The following IFT22 variants were observed in gnomAD, a reference collection of about 807,000 sequenced individuals.
IFT22 encodes the protein intraflagellar transport protein 22 homolog.
In IFT22, 13 loss-of-function variants were observed where a neutral mutation model predicts 21.0. The ratio of observed to expected loss-of-function variants is 0.62; its 90% CI spans 0.40 to 0.98. The LOEUF is 0.98. Among genes scored for constraint, IFT22 ranks in the 50% least tolerant of loss-of-function variants. The pLI, the probability that IFT22 is intolerant of heterozygous loss-of-function variation, is 0.00. For synonymous variants in IFT22, 67 were observed against 82.4 expected (o/e 0.81, Z 1.01); for missense variants, 227 against 228.9 (o/e 0.99, Z 0.06).
chr7:101,315,232 G>GGTCAT lies in IFT22; in HGVS notation c.455_459dup (p.Pro154MetfsTer11). 6.2e-7 allele frequency: 1 copy of GGTCAT among 1,614,094 alleles called. No homozygotes were observed. ...ATGAATTCCATCCGGATCTCCTCAG[G>GGTCAT]GTCATCTTCCAGGTTTGAGTGCACC... On this transcript the variant is annotated frameshift_variant, in exon 5 of 5. Transcript: ENST00000315322. LOFTEE classifies it high-confidence loss of function.
chr7:101,319,672 C>G (rs1304476128), intron 1 of IFT22, among the ~76,000 whole-genome samples: 1 of 112,640 alleles, frequency 8.9e-6, no homozygotes, highest in East Asian at 3.0e-4. Context: ...GAGACAAGGT[C>G]TTGCTCGGTT....
In IFT22 at chr7:101,315,295, G is replaced by T; in HGVS notation, c.410-13C>A. The T allele has an allele frequency of 1.2e-6, 2 of 1,614,050 alleles. No individual in the cohort carries two copies. The highest frequency in any genetic ancestry group is 1.7e-6 in the Non-Finnish European group (2 of 1,180,024). ...TTCAAGGGTGGCGCTTGAAAATGAA[G>T]ATAAGGTTAATTAGGCAAAGAGTTT... On this transcript the variant is annotated splice_polypyrimidine_tract_variant and intron_variant, in intron 4 of 4. Coordinates refer to ENST00000315322, the MANE Select transcript of IFT22 (RefSeq NM_022777.4).
At chr7:101,317,449 T>C (rs1484453201) in intron 3 of IFT22, among the ~76,000 whole-genome samples, 1 of 151,914 alleles carries the variant, frequency 6.6e-6, no homozygotes, top group African/African-American at 2.4e-5. Context: ...TTTTTTTTTT[T>C]TTAAAATGAG....
chr7:101,316,545 G>A lies in IFT22; in HGVS notation c.207-3C>T, dbSNP rs763040412. On this transcript the variant is annotated splice_polypyrimidine_tract_variant and splice_region_variant and intron_variant, in intron 3 of 4. Transcript: ENST00000315322. ...GGGCCGGCCAGCAGGACTCAAACCT[G>A]CGAGGAAGAAAAGGAACAACAGGGA... 1.2e-5 allele frequency: 20 copies of A among 1,613,790 alleles called. 1 individual carries two copies. In the South Asian group the frequency reaches 1.6e-4, roughly 13 times the overall value.
chr7:101,317,673 A>G (rs34169259), intron 3 of IFT22, among the ~76,000 whole-genome samples: 23,366 of 151,924 alleles, frequency 0.15, 1,890 homozygotes, highest in South Asian at 0.16. Flanking sequence ...CAGGAAACAT[A>G]CTAGGCCCAA....
At chr7:101,318,559 C>A in intron 2 of IFT22, 1 of 265,874 alleles carries the variant, frequency 3.8e-6, no homozygotes, top group Non-Finnish European at 7.2e-6. Context: ...AATAATGAGG[C>A]TGCATTACAC....
Position 101,314,957 on chromosome 7 carries a change from G to T in IFT22, c.*177C>A. The stretch of plus-strand genomic sequence containing the variant: ...TAGGATTTTCTCAACTGAACTCAGG[G>T]CAGAGCACAGATGGTCTGAGTGAAC... On this transcript the variant is annotated 3_prime_UTR_variant, in exon 5 of 5. Transcript: ENST00000315322. 1 of 628,778 alleles carries T rather than the reference G, an allele frequency of 1.6e-6. No homozygotes were observed. Among genetic ancestry groups the T allele is most frequent in the Non-Finnish European group, 2.7e-6 (1 of 375,240 alleles). 38.9% of individuals were successfully genotyped at this position (628,778 alleles called of 1,614,324 possible).
At position 101,312,533 on chromosome 7, in the gene IFT22, G is replaced by GTTTTTTT. The variant is rs386410832; in HGVS notation, c.*2594_*2600dup. Among the ~76,000 whole-genome samples the GTTTTTTT allele has an allele frequency of 6.5e-4, 75 of 114,602 alleles. 1 individual carries two copies. Among genetic ancestry groups the GTTTTTTT allele is most frequent in the Non-Finnish European group, 8.2e-4 (48 of 58,232 alleles). The allele number at this position is 114,602 out of a possible 152,430, so 75.2% of individuals were successfully genotyped here. A position where few individuals can be genotyped will look rare whatever the true frequency, so the allele number is the denominator to read the frequency against. Reference sequence around the variant, plus strand: ...TAAATATAATGTTTTGGAGAGAGTTGTTTTTTTTTTTTTTTTTTTTGTGAC... The same window carrying GTTTTTTT: ...TAAATATAATGTTTTGGAGAGAGTTGTTTTTTTTTTTTTTTTTTTTTTTTTTTGTGAC... On this transcript the variant is annotated 3_prime_UTR_variant, in exon 5 of 5. Transcript: ENST00000315322.
At chr7:101,320,132 T>A (rs968492134) in intron 1 of IFT22, among the ~76,000 whole-genome samples, 4 of 151,622 alleles carry the variant, frequency 2.6e-5, no homozygotes, top group African/African-American at 7.3e-5. Context: ...AATTTTTGTA[T>A]TTTTAGTACA....
At chr7:101,321,351 T>G in intron 1 of IFT22, 5 of 362,718 alleles carry the variant, frequency 1.4e-5, no homozygotes, top group East Asian at 5.7e-5. Context: ...CACAGACGCA[T>G]TCATTAGGGG....
At position 101,316,380 on chromosome 7, in the gene IFT22, G is replaced by C; in HGVS notation, c.369C>G (p.His123Gln). ...CTTTATCATCTCCAGAGCCTGGTTT[G>C]TGGTGTGCAATTAGCATACACTGTG... ...QDTQCMLIAH[H>Q]KPGSGDDKGS... Residue 123 changes from histidine to glutamine, a missense_variant, in exon 4 of 5, where the codon CAC (histidine) becomes CAG (glutamine). By Grantham distance (24) the His-to-Gln change is conservative. Transcript: ENST00000315322. The C allele has an allele frequency of 1.2e-6, 2 of 1,614,176 alleles. No individual in the cohort carries two copies. The highest frequency in any genetic ancestry group is 1.1e-5 in the South Asian group (1 of 91,086).
At position 101,318,183 on chromosome 7, in the gene IFT22, G is replaced by A. The variant is rs1319101089; in HGVS notation, c.147C>T (p.Thr49=). 6.2e-7 allele frequency: 1 copy of A among 1,613,426 alleles called. No homozygotes were observed. The highest frequency in any genetic ancestry group is 8.5e-7 in the Non-Finnish European group (1 of 1,179,500). The change falls in exon 3 of 5, where the codon ACC becomes ACT. Residue 49 remains threonine, a synonymous_variant. Coordinates refer to ENST00000315322, the MANE Select transcript of IFT22 (RefSeq NM_022777.4). ...CACAGCCCGTGCCTTTGTTGTTGCT[G>A]GTAACATGCGGGTTCTCAAATTCTA... ...RILEFENPHV[T]SNNKGTGCEF...
intron 1 of IFT22, chr7:101,321,301 A>T (rs1457988534): frequency 3.9e-6 from 1 of 257,668 alleles, no homozygotes; most frequent in Non-Finnish European, 7.5e-6. Flanking sequence ...TCCAGCCTGG[A>T]CGACACAGCG....
chr7:101,319,641 C>CT (rs11443697), intron 1 of IFT22, among the ~76,000 whole-genome samples: 38,517 of 111,786 alleles, frequency 0.34, 7,638 homozygotes, highest in African/African-American at 0.49. Flanking sequence ...ATACACATTG[C>CT]TTTTTTTTTT....
At position 101,314,808 on chromosome 7, in the gene IFT22, G is replaced by T; in HGVS notation, c.*326C>A. On this transcript the variant is annotated 3_prime_UTR_variant, in exon 5 of 5. Transcript: ENST00000315322. Reference sequence around the variant, plus strand: ...CAATACACGTGATTAAACTACTGTTGTATCATTGGGCTGCGACGGTTACAA... The same window carrying T: ...CAATACACGTGATTAAACTACTGTTTTATCATTGGGCTGCGACGGTTACAA... 1 of 269,294 alleles carries T rather than the reference G, an allele frequency of 3.7e-6. No homozygotes were observed. Among genetic ancestry groups the T allele is most frequent in the Non-Finnish European group, 7.1e-6 (1 of 141,062 alleles). The allele number at this position is 269,294 out of a possible 1,614,324, so 16.7% of individuals were successfully genotyped here. A position where few individuals can be genotyped will look rare whatever the true frequency, so the allele number is the denominator to read the frequency against.
chr7:101,311,506 ACT>A lies in IFT22; in HGVS notation c.*3626_*3627del, dbSNP rs1016204674. Among the ~76,000 whole-genome samples the A allele has an allele frequency of 1.3e-5, 2 of 151,952 alleles. No individual in the cohort carries two copies. Among genetic ancestry groups the A allele is most frequent in the Non-Finnish European group, 2.9e-5 (2 of 68,014 alleles). ...GGAATTGTCATGGTCTAGAAAAGCC[ACT>A]CTCTCCAGTAGACTGCTCACACAGC... On this transcript the variant is annotated 3_prime_UTR_variant, in exon 5 of 5. Transcript: ENST00000315322.
At chr7:101,319,080 G>A (rs1315861339) in intron 1 of IFT22, 48 bp from the exon 2 acceptor site, 6 of 1,601,306 alleles carry the variant, frequency 3.7e-6, no homozygotes, top group African/African-American at 1.3e-5. Context: ...GGCAGAAAAG[G>A]AAACCAAAAA....
rs1243615240 is a variant in IFT22, at chr7:101,311,047, G to A, written c.*4087C>T. 2 of 267,280 alleles carry A rather than the reference G, an allele frequency of 7.5e-6. No individual in the cohort carries two copies. Among genetic ancestry groups the A allele is most frequent in the South Asian group, 7.2e-5 (2 of 27,632 alleles). 16.6% of individuals were successfully genotyped at this position (267,280 alleles called of 1,614,324 possible). A position where few individuals can be genotyped will look rare whatever the true frequency, so the allele number is the denominator to read the frequency against. ...CTCGCTCTGTCGCCCAGGCTGGAGT[G>A]CAGTGGCGGGACCTCGGCTCACTGC... On this transcript the variant is annotated 3_prime_UTR_variant, in exon 5 of 5. Coordinates refer to ENST00000315322, the MANE Select transcript of IFT22 (RefSeq NM_022777.4).
At chr7:101,321,558 C>T (rs1401309351) in intron 1 of IFT22, 113 bp downstream of exon 1, 2 of 1,159,096 alleles carry the variant, frequency 1.7e-6, no homozygotes, top group Non-Finnish European at 2.4e-6. Flanking sequence ...GCGCGGTGGG[C>T]CCGGGTTCCC....
Sources: allele counts gnomAD v4.1 joint callset (sites outside exome capture counted in the v4.1 genomes callset), GRCh38; gene constraint gnomAD v4.1.1; transcripts MANE v1.5; gene names NCBI Gene and HGNC (gene_info 2026-07-23, HGNC 2026-07-21).